The following DPP6 variants were observed in gnomAD, a reference collection of about 807,000 sequenced individuals.
DPP6 encodes the protein dipeptidyl peptidase like 6.
DPP6 carries 69 observed loss-of-function variants against 122.6 expected under a neutral mutation model. That is an observed-to-expected ratio of 0.56 (90% confidence interval 0.46 to 0.69). The LOEUF (loss-of-function observed/expected upper bound fraction) is 0.69. DPP6 is among the 30% of genes least tolerant of loss of function. The pLI is 0.00. For missense variants in DPP6, 928 were observed against 1,116.9 expected, an observed-to-expected ratio of 0.83 and a Z score of 2.41; for synonymous variants, 418 against 433.1, an observed-to-expected ratio of 0.97 and a Z score of 0.43.
At chr7:154,503,961 A>G (rs12703360) in intron 3 of DPP6, among the ~76,000 whole-genome samples, 40,663 of 152,092 alleles carry the variant, frequency 0.27, 5,548 homozygotes, top group Middle Eastern at 0.32. Context: ...TTAAAAGTTG[A>G]TGAAAAAAAA....
intron 1 of DPP6, among the ~76,000 whole-genome samples, chr7:154,081,140 C>T (rs28534580): frequency 6.6e-6 from 1 of 151,324 alleles, no homozygotes. Context: ...CATGACCTAG[C>T]CCCTGATCAG....
chr7:154,377,192 A>C (rs909935290), intron 1 of DPP6, among the ~76,000 whole-genome samples: 8 of 152,200 alleles, frequency 5.3e-5, no homozygotes, highest in Admixed American at 5.2e-4. Flanking sequence ...ATTAAGCTTC[A>C]TTTAAAAAGC....
chr7:154,374,097 G>T (rs773510856), intron 1 of DPP6, among the ~76,000 whole-genome samples: 2 of 152,172 alleles, frequency 1.3e-5, no homozygotes, highest in Admixed American at 6.5e-5. Context: ...ACCCTGTCAC[G>T]TTGCTGTGTC....
intron 5 of DPP6, among the ~76,000 whole-genome samples, chr7:154,581,905 C>T (rs189460637): frequency 2.2e-4 from 34 of 152,280 alleles, no homozygotes; most frequent in Admixed American, 2.1e-3. Flanking sequence ...TGCTAGAAAC[C>T]AGGATTTTTG....
chr7:154,654,449 C>T lies in DPP6; in HGVS notation c.681-14911C>T, dbSNP rs542242815. Among the ~76,000 whole-genome samples the T allele has an allele frequency of 6.6e-5, 10 of 151,236 alleles. No individual in the cohort carries two copies. In the Admixed American group the frequency reaches 6.6e-4, roughly 10 times the overall value. On this transcript the variant is annotated intron_variant, in intron 6 of 25. Transcript: ENST00000377770. ...TCTTTCTTTTTTTGATACAGCGTCT[C>T]GCCCTATTGCCCAGGCTGGAGTGCA...
At chr7:154,798,447 A>G (rs1798168995) in intron 12 of DPP6, among the ~76,000 whole-genome samples, 1 of 152,256 alleles carries the variant, frequency 6.6e-6, no homozygotes, top group African/African-American at 2.4e-5. Context: ...CATGAATTAA[A>G]ATAATTCTTA....
chr7:154,615,239 C>T (rs191820121), intron 5 of DPP6, among the ~76,000 whole-genome samples: 10 of 152,222 alleles, frequency 6.6e-5, no homozygotes, highest in African/African-American at 1.7e-4. Context: ...ATTATCCTAA[C>T]GAGCCTCTTT....
chr7:154,778,240 C>A (rs144263198), intron 10 of DPP6, among the ~76,000 whole-genome samples: 69 of 152,068 alleles, frequency 4.5e-4, no homozygotes, highest in African/African-American at 1.6e-3. Flanking sequence ...CTCCTATTTT[C>A]CTGTGAGCAC....
Position 154,024,566 on chromosome 7 carries a change from G to A in DPP6, c.51+136832G>A, listed in dbSNP as rs147819643. 2.9e-3 allele frequency among the ~76,000 whole-genome samples: 448 copies of A among 152,232 alleles called. 4 individuals are homozygous for A. The highest frequency in any genetic ancestry group is 0.01 in the African/African-American group (426 of 41,544). ...GCCTTTGAAAGGTGGTGTGGTATCA[G>A]GGAGCACGTTGAATTGGAAGTCAGA... On this transcript the variant is annotated intron_variant, in intron 1 of 25. Transcript: ENST00000404039.
chr7:154,508,688 A>G (rs187763838), intron 3 of DPP6, among the ~76,000 whole-genome samples: 41 of 152,310 alleles, frequency 2.7e-4, no homozygotes, highest in Admixed American at 2.6e-3. Flanking sequence ...ACAGTCCCCA[A>G]CTAACCTCAG....
chr7:154,147,708 CTA>C (rs1489928955), intron 1 of DPP6, among the ~76,000 whole-genome samples: 1 of 137,138 alleles, frequency 7.3e-6, no homozygotes. Flanking sequence ...AAACACATAC[CTA>C]TATATATATA....
At chr7:154,448,301 T>C (rs1471467492) in intron 2 of DPP6, among the ~76,000 whole-genome samples, 1 of 151,958 alleles carries the variant, frequency 6.6e-6, no homozygotes, top group Non-Finnish European at 1.5e-5. Context: ...AATCCCAAAA[T>C]AAAATTAAGA....
chr7:154,421,629 G>T (rs543058726), intron 1 of DPP6, among the ~76,000 whole-genome samples: 1 of 145,658 alleles, frequency 6.9e-6, no homozygotes, highest in South Asian at 2.3e-4. Flanking sequence ...TGGCCTTTGA[G>T]TGTCAGTTTC....
intron 6 of DPP6, among the ~76,000 whole-genome samples, chr7:154,649,253 T>C (rs1586808642): frequency 6.6e-6 from 1 of 152,214 alleles, no homozygotes; most frequent in East Asian, 1.9e-4. Flanking sequence ...GTCTGTTGCA[T>C]GGATATCATA....
At chr7:153,803,738 C>A in the DPP6 span, among the ~76,000 whole-genome samples, 1 of 150,878 alleles carries the variant, frequency 6.6e-6, no homozygotes, top group African/African-American at 2.4e-5. Flanking sequence ...TATGTAAAAT[C>A]TCCTTTTATA....
chr7:154,090,906 G>T (rs1446819378), intron 1 of DPP6, among the ~76,000 whole-genome samples: 3 of 149,336 alleles, frequency 2.0e-5, no homozygotes, highest in Non-Finnish European at 3.0e-5. Context: ...GGATCACAAA[G>T]TCAGGAGATC....
At chr7:153,866,446 G>A in the DPP6 span, among the ~76,000 whole-genome samples, 74 of 152,312 alleles carry the variant, frequency 4.9e-4, 1 homozygote, top group South Asian at 0.013. Context: ...CTGCATAAAT[G>A]TCTTCTCTTG....
At chr7:154,064,633 T>C (rs1443776686) in intron 1 of DPP6, among the ~76,000 whole-genome samples, 1 of 152,038 alleles carries the variant, frequency 6.6e-6, no homozygotes, top group Non-Finnish European at 1.5e-5. Context: ...TTTCTATCTG[T>C]GTCCCTAACT....
chr7:153,754,745 T>C, the DPP6 span, among the ~76,000 whole-genome samples: 1 of 152,220 alleles, frequency 6.6e-6, no homozygotes, highest in Admixed American at 6.5e-5. Context: ...CTTTTTCAGA[T>C]TTAATTTCTG....
Sources: gnomAD v4.1 joint callset for allele counts (sites outside exome capture counted in the v4.1 genomes callset) on GRCh38, gnomAD v4.1.1 for gene constraint, MANE v1.5 for transcripts, NCBI Gene and HGNC (gene_info 2026-07-23, HGNC 2026-07-21) for gene names.